The following ADCY2 variants were observed in gnomAD, a reference collection of about 807,000 sequenced individuals.
ADCY2 encodes the protein adenylate cyclase type 2.
ADCY2 carries 31 observed loss-of-function variants against 125.2 expected under a neutral mutation model. The ratio of observed to expected loss-of-function variants is 0.25; its 90% CI spans 0.19 to 0.33. ADCY2 has a LOEUF of 0.33. Ranked by LOEUF, ADCY2 falls within the 10% of genes least tolerant of loss-of-function variation. The probability of loss-of-function intolerance (pLI) is 1.00; values close to 1 mark genes in which losing one functional copy is unlikely to be tolerated. For synonymous variants in ADCY2, 512 were observed against 548.4 expected (o/e 0.93, Z 0.93); for missense variants, 904 against 1,418.2 (o/e 0.64, Z 5.82).
At chr5:7,463,342 A>G (rs572431171) in intron 2 of ADCY2, among the ~76,000 whole-genome samples, 16 of 152,334 alleles carry the variant, frequency 1.1e-4, no homozygotes, top group Admixed American at 7.8e-4. Flanking sequence ...CAAAAAGAAC[A>G]ATCGTTCCAT....
At position 7,767,484 on chromosome 5, in the gene ADCY2, C is replaced by T. The variant is rs564349298; in HGVS notation, c.2214+678C>T. Reference sequence around the variant, plus strand: ...ATCTGAAAGTAGTGCAGATTATGCTCGTTTAGTTTCCGTGTCAAATAATGG... The same window carrying T: ...ATCTGAAAGTAGTGCAGATTATGCTTGTTTAGTTTCCGTGTCAAATAATGG... On this transcript the variant is annotated intron_variant, in intron 17 of 24. Transcript: ENST00000338316. 9.0e-4 allele frequency among the ~76,000 whole-genome samples: 137 copies of T among 152,174 alleles called. No homozygotes were observed. The South Asian group carries it at 0.024, about 26-fold the overall frequency.
chr5:7,770,336 A>ACC (rs1743515876), intron 17 of ADCY2, among the ~76,000 whole-genome samples: 1 of 152,196 alleles, frequency 6.6e-6, no homozygotes, highest in South Asian at 2.1e-4. Context: ...CAAACAATCC[A>ACC]CATATACCCA....
intron 16 of ADCY2, among the ~76,000 whole-genome samples, chr5:7,762,706 C>T (rs1743262590): frequency 2.0e-5 from 3 of 149,756 alleles, no homozygotes; most frequent in Non-Finnish European, 4.5e-5. Flanking sequence ...AGGAGTACAG[C>T]TTTTCATGTT....
At position 7,804,405 on chromosome 5, in the gene ADCY2, G is replaced by A. The variant is rs534437033; in HGVS notation, c.2776-180G>A. ...GCTGTACTTTCCTCCAAGGACATGC[G>A]CTGTATGAAATACAAGAAGTTTTCA... On this transcript the variant is annotated intron_variant, in intron 21 of 24. Transcript: ENST00000338316. Among the ~76,000 whole-genome samples the A allele has an allele frequency of 1.1e-4, 16 of 152,276 alleles. No homozygotes were observed. In the South Asian group the frequency reaches 2.3e-3, roughly 22 times the overall value.
At chr5:7,424,181 A>G (rs1740307820) in intron 2 of ADCY2, among the ~76,000 whole-genome samples, 2 of 152,222 alleles carry the variant, frequency 1.3e-5, no homozygotes, top group African/African-American at 4.8e-5. Flanking sequence ...TGTGGGAACA[A>G]ATGAGTGTAC....
intron 8 of ADCY2, 137 bp downstream of exon 8, chr5:7,707,039 G>A (rs978122491): frequency 5.8e-5 from 62 of 1,064,498 alleles, no homozygotes; most frequent in East Asian, 4.4e-4. Flanking sequence ...CACGCCCAAC[G>A]GCCTCTTATG....
chr5:7,557,268 G>A (rs912293253), intron 3 of ADCY2, among the ~76,000 whole-genome samples: 12 of 140,092 alleles, frequency 8.6e-5, no homozygotes, highest in African/African-American at 3.0e-4. Context: ...CTAGTAATCA[G>A]AAGAATGCAA....
chr5:7,684,106 G>A (rs915023414), intron 4 of ADCY2, among the ~76,000 whole-genome samples: 11 of 152,224 alleles, frequency 7.2e-5, no homozygotes, highest in African/African-American at 2.7e-4. Context: ...GATACTCTTT[G>A]AGAGGCAAGT....
chr5:7,475,063 C>T (rs1204236847), intron 2 of ADCY2, among the ~76,000 whole-genome samples: 2 of 152,156 alleles, frequency 1.3e-5, no homozygotes, highest in South Asian at 2.1e-4. Context: ...AGTCCTCCCA[C>T]CTCCTGCCTG....
At position 7,697,018 on chromosome 5, in the gene ADCY2, G is replaced by A. The variant is rs566330337; in HGVS notation, c.981+1155G>A. Among the ~76,000 whole-genome samples, 30 of 151,790 alleles carry A rather than the reference G, an allele frequency of 2.0e-4. No homozygotes were observed. The East Asian group carries it at 4.3e-3, about 22-fold the overall frequency. On this transcript the variant is annotated intron_variant, in intron 6 of 24. Transcript: ENST00000338316. ...CTACCTGTTCATGTTAGGAAGAAAC[G>A]TTTCAGTCTTGGCTGGGAACAGCAT...
intron 2 of ADCY2, among the ~76,000 whole-genome samples, chr5:7,457,417 G>A (rs1351196974): frequency 6.6e-6 from 1 of 152,114 alleles, no homozygotes; most frequent in East Asian, 1.9e-4. Flanking sequence ...TGTCCCATCT[G>A]TGGCCTTTCT....
chr5:7,757,724 G>T, intron 16 of ADCY2, 138 bp downstream of exon 16: 1 of 1,279,734 alleles, frequency 7.8e-7, no homozygotes. Context: ...GCTCAGCCCC[G>T]GGGTGAGTCA....
At chr5:7,514,143 A>G (rs1744173692) in intron 2 of ADCY2, among the ~76,000 whole-genome samples, 1 of 152,178 alleles carries the variant, frequency 6.6e-6, no homozygotes, top group Admixed American at 6.5e-5. Flanking sequence ...TATGATTGGC[A>G]TATTTGGGAA....
intron 3 of ADCY2, among the ~76,000 whole-genome samples, chr5:7,546,122 A>G (rs370900630): frequency 3.9e-5 from 6 of 152,038 alleles, no homozygotes; most frequent in African/African-American, 1.5e-4. Flanking sequence ...GGGACACAAA[A>G]TGTTTTCGGA....
intron 2 of ADCY2, among the ~76,000 whole-genome samples, chr5:7,423,406 T>C (rs1740280878): frequency 6.6e-6 from 1 of 152,202 alleles, no homozygotes; most frequent in African/African-American, 2.4e-5. Flanking sequence ...CCATGTGTCT[T>C]GGGAGGGACC....
rs1745568998 is a variant in ADCY2, at chr5:7,829,112, G to A, written c.*2241G>A. ...TGTGTACCTGGTCCCTTCTAGGTGTGGTCCCATAGGAGCAGCCTTAGCATC... is the reference window on the plus strand; with the variant it reads ...TGTGTACCTGGTCCCTTCTAGGTGTAGTCCCATAGGAGCAGCCTTAGCATC... On this transcript the variant is annotated 3_prime_UTR_variant, in exon 25 of 25. Transcript: ENST00000338316. The A allele has an allele frequency of 6.6e-6, 1 of 152,260 alleles. No individual in the cohort carries two copies. The highest frequency in any genetic ancestry group is 2.4e-5 in the African/African-American group (1 of 41,434). 9.4% of individuals were successfully genotyped at this position (152,260 alleles called of 1,614,324 possible). A position where few individuals can be genotyped will look rare whatever the true frequency, so the allele number is the denominator to read the frequency against.
chr5:7,724,652 T>C (rs1405021992), intron 13 of ADCY2, 38 bp downstream of exon 13: 7 of 1,430,506 alleles, frequency 4.9e-6, no homozygotes, highest in Non-Finnish European at 6.8e-6. Context: ...CAATCGAGTT[T>C]TCTGAAATTT....
intron 2 of ADCY2, among the ~76,000 whole-genome samples, chr5:7,482,783 T>TATATATAG (rs1438324757): frequency 2.1e-5 from 3 of 143,056 alleles, no homozygotes; most frequent in Admixed American, 7.0e-5. Context: ...TATATATATA[T>TATATATAG]ATATATATAC....
At chr5:7,510,623 T>G (rs1744019993) in intron 2 of ADCY2, among the ~76,000 whole-genome samples, 1 of 152,214 alleles carries the variant, frequency 6.6e-6, no homozygotes, top group African/African-American at 2.4e-5. Flanking sequence ...GTGTCATTGT[T>G]GTTCCAGGAA....
Sources: allele counts gnomAD v4.1 joint callset (sites outside exome capture counted in the v4.1 genomes callset), GRCh38; gene constraint gnomAD v4.1.1; transcripts MANE v1.5; gene names NCBI Gene and HGNC (gene_info 2026-07-23, HGNC 2026-07-21).